Variants in SFMBT2 observed in about 807,000 individuals in gnomAD.
SFMBT2 encodes scm-like with four MBT domains protein 2.
Under a neutral mutation model 110.1 loss-of-function variants are expected in SFMBT2, and 38 were observed. The observed-to-expected ratio is 0.35, with a 90% CI of 0.27 to 0.45. The LOEUF (loss-of-function observed/expected upper bound fraction) is 0.45, where lower values mean the gene tolerates loss of function less well. Ranked by LOEUF, SFMBT2 falls within the 20% of genes least tolerant of loss-of-function variation. SFMBT2 has a pLI of 1.00. For synonymous variants in SFMBT2, 425 were observed against 425.4 expected (o/e 1.00, Z 0.01); for missense variants, 1,011 against 1,094.9 (o/e 0.92, Z 1.08).
In SFMBT2 at chr10:7,196,438, T is replaced by C. The variant is rs116888166; in HGVS notation, c.1698+1110A>G. Among the ~76,000 whole-genome samples, 76 of 152,310 alleles carry C rather than the reference T, an allele frequency of 5.0e-4. 2 individuals are homozygous for C. In the East Asian group the frequency reaches 0.011, roughly 22 times the overall value. ...CAATCAGGATCCTACACACTCTGCC[T>C]AAGCCAGATGAAATGTCACTTGCCA... On this transcript the variant is annotated intron_variant, in intron 15 of 20. Transcript: ENST00000397167.
rs1554802938 is a variant in SFMBT2, at chr10:7,315,109, A to AAAGAAAG, written c.437-29156_437-29155insCTTTCTT. Among the ~76,000 whole-genome samples, 470 of 129,644 alleles carry AAAGAAAG rather than the reference A, an allele frequency of 3.6e-3. 4 individuals are homozygous for AAAGAAAG. The highest frequency in any genetic ancestry group is 6.3e-3 in the Non-Finnish European group (342 of 54,504). The allele number at this position is 129,644 out of a possible 152,430, so 85.1% of individuals were successfully genotyped here. A position where few individuals can be genotyped will look rare whatever the true frequency, so the allele number is the denominator to read the frequency against. ...GAAAGAAAGAAAGAAAGAAAGAAAGAAAAAGCAAGCAAGCAAGCCAGCCAA... is the reference window on the plus strand; with the variant it reads ...GAAAGAAAGAAAGAAAGAAAGAAAGAAAGAAAGAAAAGCAAGCAAGCAAGCCAGCCAA... On this transcript the variant is annotated intron_variant, in intron 4 of 20. Transcript: ENST00000397167.
At position 7,168,131 on chromosome 10, in the gene SFMBT2, A is replaced by G. The variant is rs557025823; in HGVS notation, c.2544+2797T>C. ...CAGTGTCGGCAGTGTTCCATTTCCT[A>G]GAAGGCTTAGCTTAGGGAAGGCATG... On this transcript the variant is annotated intron_variant, in intron 20 of 20. Coordinates refer to ENST00000397167, the MANE Select transcript of SFMBT2 (RefSeq NM_001387889.1). 6.6e-5 allele frequency among the ~76,000 whole-genome samples: 10 copies of G among 152,026 alleles called. No individual in the cohort carries two copies. In the East Asian group the frequency reaches 1.5e-3, roughly 24 times the overall value.
At chr10:7,221,776 A>G (rs1325112603) in intron 10 of SFMBT2, among the ~76,000 whole-genome samples, 2 of 152,014 alleles carry the variant, frequency 1.3e-5, no homozygotes, top group African/African-American at 2.4e-5. Flanking sequence ...ACATTTTTAC[A>G]TAGAGTAAAA....
chr10:7,226,115 G>C (rs1045116704), intron 10 of SFMBT2, among the ~76,000 whole-genome samples: 1 of 152,214 alleles, frequency 6.6e-6, no homozygotes, highest in Non-Finnish European at 1.5e-5. Context: ...ATCCTGCGGA[G>C]AGCCCGGACT....
chr10:7,250,929 G>A (rs188196643), intron 7 of SFMBT2, among the ~76,000 whole-genome samples: 1 of 152,288 alleles, frequency 6.6e-6, no homozygotes, highest in African/African-American at 2.4e-5. Context: ...ATCATGTCCA[G>A]GCAGGGCCAG....
chr10:7,222,710 C>A (rs1465893478), intron 10 of SFMBT2, among the ~76,000 whole-genome samples: 1 of 151,940 alleles, frequency 6.6e-6, no homozygotes, highest in African/African-American at 2.4e-5. Flanking sequence ...CATTCTGTCA[C>A]CCAGGCTTGA....
intron 4 of SFMBT2, among the ~76,000 whole-genome samples, chr10:7,323,805 T>C (rs1843282579): frequency 6.6e-6 from 1 of 152,204 alleles, no homozygotes; most frequent in Non-Finnish European, 1.5e-5. Flanking sequence ...AGAACTTTGC[T>C]TAAAAAGGTT....
intron 4 of SFMBT2, among the ~76,000 whole-genome samples, chr10:7,334,317 G>A (rs988879425): frequency 1.3e-4 from 20 of 152,094 alleles, no homozygotes; most frequent in Admixed American, 5.9e-4. Context: ...GCCACCACCA[G>A]GAGCCTGATG....
At chr10:7,232,792 C>A (rs1840143111) in intron 9 of SFMBT2, among the ~76,000 whole-genome samples, 1 of 152,140 alleles carries the variant, frequency 6.6e-6, no homozygotes, top group Non-Finnish European at 1.5e-5. Flanking sequence ...TTTGAAAACA[C>A]AGAATCTTTG....
chr10:7,248,586 A>C lies in SFMBT2; in HGVS notation c.934T>G (p.Cys312Gly). The C allele has an allele frequency of 6.2e-7, 1 of 1,614,202 alleles. No individual in the cohort carries two copies. ...GCAGGAGAGATGTAAAAGGGCTCGC[A>C]CATATTCACTGTCTCAAGCTTCATC... ...VGMKLETVNMCEPFYISPASV... is the reference protein window; with the variant it reads ...VGMKLETVNMGEPFYISPASV... The change falls in exon 8 of 21, where the codon TGC becomes GGC. Residue 312 changes from cysteine (C) to glycine (G), a missense_variant. Cys to Gly is a radical substitution (Grantham distance 159, BLOSUM62 -3). Around this residue, in one of 2 missense-constraint regions of SFMBT2, gnomAD observed 979 missense variants for 1,016.1 expected, o/e 0.96. Transcript: ENST00000397167.
Position 7,370,381 on chromosome 10 carries a change from G to A in SFMBT2, c.101-6C>T. ...CTCCAAGCTTGAGCCTTCTTCTGTT[G>A]AAAAACAAAAGAACAGAATATCAAT... On this transcript the variant is annotated splice_polypyrimidine_tract_variant and splice_region_variant and intron_variant, in intron 2 of 20. Coordinates refer to ENST00000397167, the MANE Select transcript of SFMBT2 (RefSeq NM_001387889.1). The A allele has an allele frequency of 6.2e-7, 1 of 1,612,270 alleles. No homozygotes were observed. Among genetic ancestry groups the A allele is most frequent in the Non-Finnish European group, 8.5e-7 (1 of 1,178,492 alleles).
intron 1 of SFMBT2, among the ~76,000 whole-genome samples, chr10:7,382,802 T>A (rs1845463181): frequency 6.6e-6 from 1 of 152,258 alleles, no homozygotes; most frequent in Non-Finnish European, 1.5e-5. Flanking sequence ...GAGACAAGAC[T>A]TTCCCTACGA....
intron 6 of SFMBT2, among the ~76,000 whole-genome samples, chr10:7,280,140 C>A (rs1841908695): frequency 6.6e-6 from 1 of 152,198 alleles, no homozygotes; most frequent in Non-Finnish European, 1.5e-5. Flanking sequence ...TGTCTGCAAA[C>A]CAGGAAGCGA....
intron 15 of SFMBT2, among the ~76,000 whole-genome samples, chr10:7,190,376 C>T (rs1325311600): frequency 6.6e-6 from 1 of 152,106 alleles, no homozygotes; most frequent in Non-Finnish European, 1.5e-5. Context: ...CTGAGAAAAC[C>T]CCAGAGCTGC....
intron 4 of SFMBT2, among the ~76,000 whole-genome samples, chr10:7,291,678 C>T (rs770031872): frequency 2.0e-5 from 3 of 152,296 alleles, no homozygotes; most frequent in East Asian, 1.9e-4. Context: ...CCTGGGCAGA[C>T]GGGTCTGACT....
At chr10:7,385,588 A>G (rs1387146140) in intron 1 of SFMBT2, among the ~76,000 whole-genome samples, 2 of 152,192 alleles carry the variant, frequency 1.3e-5, no homozygotes, top group East Asian at 1.9e-4. Context: ...AACAATGATC[A>G]TAACAAAAAA....
At chr10:7,285,725 G>C (rs1842065221) in intron 5 of SFMBT2, 141 bp downstream of exon 5, 1 of 667,690 alleles carries the variant, frequency 1.5e-6, no homozygotes, top group Non-Finnish European at 2.8e-6. Context: ...CAGGACAAAA[G>C]AGGAAGGGAG....
Position 7,305,528 on chromosome 10 carries a change from C to T in SFMBT2, c.437-19574G>A, listed in dbSNP as rs191390848. Reference sequence around the variant, plus strand: ...TGCGTAGTATTCAGCAAGCATTGAACAAGAAAATAAATTGCACCATTATGG... The same window carrying T: ...TGCGTAGTATTCAGCAAGCATTGAATAAGAAAATAAATTGCACCATTATGG... On this transcript the variant is annotated intron_variant, in intron 4 of 20. Coordinates refer to ENST00000397167, the MANE Select transcript of SFMBT2 (RefSeq NM_001387889.1). Among the ~76,000 whole-genome samples, 109 of 152,260 alleles carry T rather than the reference C, an allele frequency of 7.2e-4. 2 individuals are homozygous for T. The East Asian group carries it at 0.019, about 27-fold the overall frequency.
rs1837871441 is a variant in SFMBT2 at position 7,171,529 on chromosome 10, C to T, written c.2415+366G>A. On this transcript the variant is annotated intron_variant, in intron 19 of 20. Coordinates refer to ENST00000397167, the MANE Select transcript of SFMBT2 (RefSeq NM_001387889.1). This position sits in a 1 kb window ranked among gnomAD's most constrained non-coding sequence, Gnocchi z 4.9. The stretch of plus-strand genomic sequence containing the variant: ...TATTTTAAAACATCACAGAGGTGTC[C>T]TATAGAGGGGACGTGGGAGCAAGAC... 2 of 985,254 alleles carry T rather than the reference C, an allele frequency of 2.0e-6. No homozygotes were observed. Among genetic ancestry groups the T allele is most frequent in the African/African-American group, 1.7e-5 (1 of 57,236 alleles). 61.0% of individuals were successfully genotyped at this position (985,254 alleles called of 1,614,324 possible).
Sources: gnomAD v4.1 joint callset for allele counts (sites outside exome capture counted in the v4.1 genomes callset) on GRCh38, gnomAD v4.1.1 for gene constraint, gnomAD v4.1.1 regional missense constraint, Gnocchi (gnomAD v3.1) non-coding constraint, MANE v1.5 for transcripts, NCBI Gene and HGNC (gene_info 2026-07-23, HGNC 2026-07-21) for gene names.